CLVS1: variants seen among roughly 807,000 people sequenced by gnomAD.
CLVS1 encodes clavesin 1, also known as clavesin-1.
CLVS1 carries 10 observed loss-of-function variants against 33.1 expected under a neutral mutation model. That is an observed-to-expected ratio of 0.30 (90% CI 0.19 to 0.51). The LOEUF is 0.51. Ranked by LOEUF, CLVS1 falls within the 20% of genes least tolerant of loss-of-function variation. The pLI, the probability that CLVS1 is intolerant of heterozygous loss-of-function variation, is 0.97. For missense variants in CLVS1, 343 were observed against 433.4 expected (o/e 0.79, Z 1.85); for synonymous variants, 163 against 166.1 (o/e 0.98, Z 0.14).
the CLVS1 span, among the ~76,000 whole-genome samples, chr8:60,989,717 C>T: frequency 7.2e-5 from 11 of 152,168 alleles, no homozygotes; most frequent in African/African-American, 2.6e-4. Flanking sequence ...TCAGGAAAAC[C>T]TGGGCAATAG....
intron 2 of CLVS1, among the ~76,000 whole-genome samples, chr8:61,176,543 A>G (rs540508495): frequency 1.9e-3 from 290 of 152,298 alleles, no homozygotes; most frequent in Non-Finnish European, 3.2e-3. Flanking sequence ...AGGGGGCAGG[A>G]CCAAGATGGC....
At chr8:60,985,562 G>A in the CLVS1 span, among the ~76,000 whole-genome samples, 1 of 152,074 alleles carries the variant, frequency 6.6e-6, no homozygotes, top group Admixed American at 6.6e-5. Flanking sequence ...GGTGGCCTTT[G>A]CCTGCCTCAT....
intron 2 of CLVS1, among the ~76,000 whole-genome samples, chr8:61,346,029 C>CT (rs1372648487): frequency 6.6e-6 from 1 of 152,136 alleles, no homozygotes; most frequent in Non-Finnish European, 1.5e-5. Flanking sequence ...TTCTGAGTTA[C>CT]TTTAAGAAGT....
intron 5 of CLVS1, among the ~76,000 whole-genome samples, chr8:61,463,734 A>ATT: frequency 6.6e-6 from 1 of 152,092 alleles, no homozygotes; most frequent in African/African-American, 2.4e-5. Flanking sequence ...AACATCACAA[A>ATT]TTTTTTTATC....
intron 2 of CLVS1, among the ~76,000 whole-genome samples, chr8:61,353,576 A>G (rs1480265574): frequency 6.6e-6 from 1 of 151,962 alleles, no homozygotes; most frequent in East Asian, 1.9e-4. Flanking sequence ...ATATCCACAT[A>G]TATGAGATGC....
At chr8:61,144,117 G>A (rs768959964) in intron 2 of CLVS1, among the ~76,000 whole-genome samples, 2 of 151,636 alleles carry the variant, frequency 1.3e-5, no homozygotes, top group Non-Finnish European at 2.9e-5. Flanking sequence ...TTGTTACATA[G>A]GTATACACAT....
intron 2 of CLVS1, among the ~76,000 whole-genome samples, chr8:61,312,775 C>A (rs1810874547): frequency 6.6e-6 from 1 of 152,150 alleles, no homozygotes; most frequent in African/African-American, 2.4e-5. Flanking sequence ...GACAAAATCG[C>A]AAAGCTCGTT....
chr8:61,220,233 C>T (rs1388915205), intron 2 of CLVS1, among the ~76,000 whole-genome samples: 1 of 152,126 alleles, frequency 6.6e-6, no homozygotes, highest in African/African-American at 2.4e-5. Flanking sequence ...AGTCTTTGTC[C>T]ATGCCTACAT....
At chr8:61,257,504 T>C (rs895848193) in intron 2 of CLVS1, among the ~76,000 whole-genome samples, 6 of 152,228 alleles carry the variant, frequency 3.9e-5, no homozygotes, top group Non-Finnish European at 8.8e-5. Context: ...AAATTAACTT[T>C]GGAAATGCTC....
chr8:61,365,743 C>A (rs1373071503), intron 2 of CLVS1, among the ~76,000 whole-genome samples: 1 of 146,182 alleles, frequency 6.8e-6, no homozygotes, highest in Non-Finnish European at 1.5e-5. Flanking sequence ...TTAGAAGATG[C>A]CAGTTTACAG....
the CLVS1 span, among the ~76,000 whole-genome samples, chr8:61,001,889 T>C: frequency 6.6e-6 from 1 of 152,358 alleles, no homozygotes; most frequent in African/African-American, 2.4e-5. Context: ...AGAAGCCACT[T>C]TCATGAAATC....
At chr8:61,371,627 G>A (rs1813443794) in intron 2 of CLVS1, among the ~76,000 whole-genome samples, 1 of 152,112 alleles carries the variant, frequency 6.6e-6, no homozygotes, top group Non-Finnish European at 1.5e-5. Context: ...TCTAGCACTG[G>A]GATCAAGTTC....
chr8:61,450,891 C>A (rs1180735116), intron 3 of CLVS1, among the ~76,000 whole-genome samples: 1 of 152,162 alleles, frequency 6.6e-6, no homozygotes, highest in Non-Finnish European at 1.5e-5. Context: ...TTCTGATCCC[C>A]TGGAAGCCAG....
At chr8:61,120,451 GC>G (rs1295165951) in intron 1 of CLVS1, among the ~76,000 whole-genome samples, 4 of 130,726 alleles carry the variant, frequency 3.1e-5, no homozygotes, top group African/African-American at 1.2e-4. Context: ...GAGGCGCTCT[GC>G]ATTTTAGAGT....
chr8:61,307,371 A>G (rs191207769), intron 2 of CLVS1, among the ~76,000 whole-genome samples: 96 of 152,324 alleles, frequency 6.3e-4, no homozygotes, highest in African/African-American at 2.2e-3. Context: ...GAAAGTTGGT[A>G]AACAATTTGA....
chr8:61,475,446 C>T (rs1331679469), intron 5 of CLVS1, among the ~76,000 whole-genome samples: 1 of 152,218 alleles, frequency 6.6e-6, no homozygotes, highest in Admixed American at 6.5e-5. Flanking sequence ...TCCACACCCT[C>T]TCCAGCACCT....
the CLVS1 span, among the ~76,000 whole-genome samples, chr8:61,002,067 C>T: frequency 6.6e-6 from 1 of 152,126 alleles, no homozygotes; most frequent in Non-Finnish European, 1.5e-5. Flanking sequence ...CAGCCTCCGC[C>T]TCTCAGGCTC....
chr8:61,495,120 A>G (rs755408876), intron 5 of CLVS1, among the ~76,000 whole-genome samples: 6 of 152,144 alleles, frequency 3.9e-5, no homozygotes, highest in Non-Finnish European at 7.4e-5. Flanking sequence ...ATTTGACTCA[A>G]TGTGGAGGGG....
chr8:61,030,677 A>G, the CLVS1 span, among the ~76,000 whole-genome samples: 4 of 152,202 alleles, frequency 2.6e-5, no homozygotes, highest in Non-Finnish European at 5.9e-5. Context: ...TCATTTATTC[A>G]TCCAACCAGT....
Sources: allele counts gnomAD v4.1 joint callset (sites outside exome capture counted in the v4.1 genomes callset), GRCh38; gene constraint gnomAD v4.1.1; transcripts MANE v1.5; gene names NCBI Gene and HGNC (gene_info 2026-07-23, HGNC 2026-07-21).